Variants in CLCN2 observed in about 807,000 individuals in gnomAD.
CLCN2 encodes the protein chloride voltage-gated channel 2, also known as chloride channel protein 2.
In CLCN2, 72 loss-of-function variants were observed where a neutral mutation model predicts 108.3. That is an observed-to-expected ratio of 0.66 (90% CI 0.55 to 0.81). The LOEUF (loss-of-function observed/expected upper bound fraction) is 0.81, where lower values mean the gene tolerates loss of function less well. Among genes scored for constraint, CLCN2 ranks in the 30% least tolerant of loss-of-function variants. CLCN2 has a pLI of 0.00. For synonymous variants in CLCN2, 471 were observed against 467.1 expected, an observed-to-expected ratio of 1.01 and a Z score of -0.11; for missense variants, 1,048 against 1,205.2, an observed-to-expected ratio of 0.87 and a Z score of 1.93.
rs1728318091 is a variant in CLCN2 at position 184,353,783 on chromosome 3, C to T, written c.1734G>A (p.Val578=). 6.2e-7 allele frequency: 1 copy of T among 1,606,478 alleles called. No individual in the cohort carries two copies. Among genetic ancestry groups the T allele is most frequent in the Non-Finnish European group, 8.5e-7 (1 of 1,177,122 alleles). Residue 578 remains valine (V), a synonymous_variant, in exon 16 of 24, where the codon GTG becomes GTA. Coordinates refer to ENST00000265593, the MANE Select transcript of CLCN2 (RefSeq NM_004366.6). ...LGWGRHQQYR[V]RVEDIMVRDV... is the part of the protein sequence containing the mutation. ...CCCGCACCATGATGTCCTCCACACGCACCCGGTACTGCCTGGGGGCCGAGA... is the reference window on the plus strand; with the variant it reads ...CCCGCACCATGATGTCCTCCACACGTACCCGGTACTGCCTGGGGGCCGAGA...
chr3:184,359,143 G>T lies in CLCN2; in HGVS notation c.64-12C>A. 6.2e-7 allele frequency: 1 copy of T among 1,613,600 alleles called. No individual in the cohort carries two copies. Among genetic ancestry groups the T allele is most frequent in the Non-Finnish European group, 8.5e-7 (1 of 1,180,034 alleles). On this transcript the variant is annotated splice_polypyrimidine_tract_variant and intron_variant, in intron 1 of 23. Transcript: ENST00000265593. The stretch of plus-strand genomic sequence containing the variant: ...TACCGGCCATACATCTGGAGCAACA[G>T]AGGGGATGGGGGCATTCGAGGTCAT...
chr3:184,359,799 T>C (rs748276146), intron 1 of CLCN2, among the ~76,000 whole-genome samples: 1 of 151,756 alleles, frequency 6.6e-6, no homozygotes, highest in Non-Finnish European at 1.5e-5. Flanking sequence ...CAGCGGTGGG[T>C]TGGGGGACAG....
At chr3:184,352,388 A>ACCCTGCCCT (rs1287863162) in intron 20 of CLCN2, 55 bp downstream of exon 20, 1 of 1,612,932 alleles carries the variant, frequency 6.2e-7, no homozygotes, top group Non-Finnish European at 8.5e-7. Flanking sequence ...TCCAGCCTAG[A>ACCCTGCCCT]CCCTGCCCTC....
chr3:184,358,600 G>T, intron 3 of CLCN2, 82 bp downstream of exon 3: 2 of 1,526,840 alleles, frequency 1.3e-6, no homozygotes, highest in Non-Finnish European at 1.8e-6. Context: ...AAGCCAAGAC[G>T]CCTTCCTCCA....
rs779280637 is a variant in CLCN2, at chr3:184,357,486, G to A, written c.774C>T (p.Gly258=). ...AGGTGACCTCGATGCTGAAGAGGAC[G>A]CCTGTGAGGGGGAGGGAGACCAGCA... ...VGCCFAAPIG[G]VLFSIEVTST... is the part of the protein sequence containing the mutation. Residue 258 remains glycine, a splice_region_variant and synonymous_variant, in exon 8 of 24, where the codon GGC becomes GGT. Transcript: ENST00000265593. The A allele has an allele frequency of 3.7e-6, 6 of 1,614,196 alleles. No homozygotes were observed. Among genetic ancestry groups the A allele is most frequent in the East Asian group, 2.2e-5 (1 of 44,882 alleles).
intron 2 of CLCN2, 37 bp downstream of exon 2, chr3:184,358,938 G>A: frequency 6.2e-7 from 1 of 1,613,420 alleles, no homozygotes; most frequent in Non-Finnish European, 8.5e-7. Context: ...CCTCAGCACA[G>A]CACAGCCAGG....
chr3:184,350,890 A>C (rs1728042360), intron 22 of CLCN2, among the ~76,000 whole-genome samples: 1 of 152,194 alleles, frequency 6.6e-6, no homozygotes, highest in Non-Finnish European at 1.5e-5. Flanking sequence ...CGCACATAGC[A>C]AGCACTCGAA....
chr3:184,358,164 C>T lies in CLCN2; in HGVS notation c.481+18G>A, dbSNP rs759220889. 19 of 1,614,054 alleles carry T rather than the reference C, an allele frequency of 1.2e-5. No homozygotes were observed. Among genetic ancestry groups the T allele is most frequent in the Non-Finnish European group, 1.6e-5 (19 of 1,180,030 alleles). The stretch of plus-strand genomic sequence containing the variant: ...TTCAGGGGTCCCGCCTCTGCCCTCC[C>T]CTTCTCTTCTAACATACCGACAGCC... On this transcript the variant is annotated intron_variant, in intron 4 of 23. Coordinates refer to ENST00000265593, the MANE Select transcript of CLCN2 (RefSeq NM_004366.6).
intron 15 of CLCN2, 52 bp downstream of exon 15, chr3:184,354,049 G>T: frequency 6.4e-7 from 1 of 1,564,100 alleles, no homozygotes; most frequent in South Asian, 1.1e-5. Context: ...GGGGGATCTA[G>T]GATGCCCTCT....
In CLCN2 at chr3:184,352,149, A is replaced by C. The variant is rs146255106; in HGVS notation, c.2311-32T>G. 873 of 1,598,396 alleles carry C rather than the reference A, an allele frequency of 5.5e-4. 6 individuals are homozygous for C. In the African/African-American group the frequency reaches 0.01, roughly 19 times the overall value. ...GGAAGAGACTATGAGGTTTAGGGAG[A>C]AGGTGCCTGTAGCTGACCTCACCTC... is the stretch of plus-strand genomic sequence containing the variant. On this transcript the variant is annotated intron_variant, in intron 21 of 23. Transcript: ENST00000265593.
chr3:184,355,807 G>T lies in CLCN2; in HGVS notation c.1086-29C>A. ...GAGTCGTAGGTTTCACATCAGTCGT[G>T]GGTGGCCAAGGGCTGGGTGGCCTCG... On this transcript the variant is annotated intron_variant, in intron 10 of 23. Coordinates refer to ENST00000265593, the MANE Select transcript of CLCN2 (RefSeq NM_004366.6). The surrounding 1 kb of genome is among the most constrained non-coding windows in gnomAD (Gnocchi z 6.3). The T allele has an allele frequency of 6.3e-7, 1 of 1,597,796 alleles. No homozygotes were observed. The highest frequency in any genetic ancestry group is 1.1e-5 in the South Asian group (1 of 90,304).
At chr3:184,353,508 G>A (rs1402582316) in intron 16 of CLCN2, 86 bp from the exon 17 acceptor site, 4 of 1,533,306 alleles carry the variant, frequency 2.6e-6, no homozygotes, top group Non-Finnish European at 3.5e-6. Flanking sequence ...GGGGGGCCTT[G>A]CATGCAGGCC....
At chr3:184,354,352 G>C (rs368479548) in intron 14 of CLCN2, 38 bp from the exon 15 acceptor site, 97 of 1,598,394 alleles carry the variant, frequency 6.1e-5, no homozygotes, top group Non-Finnish European at 7.9e-5. Context: ...AGGGTGCCCA[G>C]GTCCCAGAAG....
At chr3:184,357,745 C>T in intron 6 of CLCN2, 34 bp downstream of exon 6, 3 of 1,613,966 alleles carry the variant, frequency 1.9e-6, no homozygotes, top group South Asian at 1.1e-5. Context: ...GCTCAGCAGC[C>T]TCTGCCCCCT....
In CLCN2 at chr3:184,346,389, C is replaced by A; in HGVS notation, c.*217G>T. The A allele has an allele frequency of 1.6e-6, 1 of 621,310 alleles. No homozygotes were observed. The highest frequency in any genetic ancestry group is 2.9e-6 in the Non-Finnish European group (1 of 345,996). 38.5% of individuals were successfully genotyped at this position (621,310 alleles called of 1,614,324 possible). A position where few individuals can be genotyped will look rare whatever the true frequency, so the allele number is the denominator to read the frequency against. ...CCAACCCATCCTGCCAGGGCAGGGC[C>A]TATCTTCCTGCCTCTGGAAGACTTG... On this transcript the variant is annotated 3_prime_UTR_variant, in exon 24 of 24. Transcript: ENST00000265593. This position sits in a 1 kb window ranked among gnomAD's most constrained non-coding sequence, Gnocchi z 6.0.
rs772688581 is a variant in CLCN2, at chr3:184,346,569, G to A, written c.*37C>T. The A allele has an allele frequency of 1.2e-6, 2 of 1,607,178 alleles. No individual in the cohort carries two copies. Among genetic ancestry groups the A allele is most frequent in the Admixed American group, 1.7e-5 (1 of 60,018 alleles). ...AAAGATGCACATTCTGGGCTGACGG[G>A]CATGGCTAGCACCATCCTAGGCCAC... On this transcript the variant is annotated 3_prime_UTR_variant, in exon 24 of 24. Transcript: ENST00000265593. The surrounding 1 kb of genome is among the most constrained non-coding windows in gnomAD (Gnocchi z 6.0).
chr3:184,358,626 G>A, intron 3 of CLCN2, 56 bp downstream of exon 3: 2 of 1,548,926 alleles, frequency 1.3e-6, no homozygotes, highest in Non-Finnish European at 1.7e-6. Flanking sequence ...AGACGAGTGT[G>A]GCATGGACGC....
Position 184,355,213 on chromosome 3 carries a change from G to T in CLCN2, c.1326+161C>A. The T allele has an allele frequency of 1.1e-6, 1 of 876,122 alleles. No individual in the cohort carries two copies. Among genetic ancestry groups the T allele is most frequent in the Non-Finnish European group, 1.9e-6 (1 of 531,954 alleles). 54.3% of individuals were successfully genotyped at this position (876,122 alleles called of 1,614,324 possible). Reference sequence around the variant, plus strand: ...CTGCCCTCTAGCTGTGTGACTTTGGGCCAGCTACTTGTGTTTCGACTCCCC... The same window carrying T: ...CTGCCCTCTAGCTGTGTGACTTTGGTCCAGCTACTTGTGTTTCGACTCCCC... On this transcript the variant is annotated intron_variant, in intron 12 of 23. Coordinates refer to ENST00000265593, the MANE Select transcript of CLCN2 (RefSeq NM_004366.6). The surrounding 1 kb of genome is among the most constrained non-coding windows in gnomAD (Gnocchi z 6.3).
chr3:184,355,705 T>A lies in CLCN2; in HGVS notation c.1159A>T (p.Met387Leu). ...CTGCCTGTGGTTACCTGTCCAGCCA[T>A]GAACTGTCCAAAGCCAGGGGGGAAG... Reference protein sequence around the residue: ...LTFPPGFGQFMAGQLSQKETL... With the variant: ...LTFPPGFGQFLAGQLSQKETL... The change falls in exon 11 of 24, where the codon ATG (methionine) becomes TTG (leucine). Residue 387 changes from methionine (M) to leucine (L), a missense_variant. Physicochemically the swap from Met to Leu is conservative, Grantham distance 15. Transcript: ENST00000265593. The surrounding 1 kb of genome is among the most constrained non-coding windows in gnomAD (Gnocchi z 6.3). 3 of 1,614,082 alleles carry A rather than the reference T, an allele frequency of 1.9e-6. No individual in the cohort carries two copies. Among genetic ancestry groups the A allele is most frequent in the Non-Finnish European group, 1.7e-6 (2 of 1,179,990 alleles).
Sources: allele counts gnomAD v4.1 joint callset (sites outside exome capture counted in the v4.1 genomes callset), GRCh38; gene constraint gnomAD v4.1.1; non-coding constraint Gnocchi (gnomAD v3.1); transcripts MANE v1.5; gene names NCBI Gene and HGNC (gene_info 2026-07-23, HGNC 2026-07-21).